The following NRIP3 variants were observed in gnomAD, a reference collection of about 807,000 sequenced individuals.
NRIP3 encodes nuclear receptor interacting protein 3.
In NRIP3, 31 loss-of-function variants were observed where a neutral mutation model predicts 29.0. The observed-to-expected ratio is 1.07, with a 90% CI of 0.80 to 1.44. The LOEUF (loss-of-function observed/expected upper bound fraction) is 1.44, where lower values mean the gene tolerates loss of function less well. NRIP3 is among the 40% of genes most tolerant of loss of function. The pLI is 0.00. For missense variants in NRIP3, 314 were observed against 297.9 expected (o/e 1.05, Z -0.40); for synonymous variants, 131 against 118.3 (o/e 1.11, Z -0.70).
At position 9,003,785 on chromosome 11, in the gene NRIP3, T is replaced by C; in HGVS notation, c.151A>G (p.Lys51Glu). 6.7e-7 allele frequency: 1 copy of C among 1,495,874 alleles called. No homozygotes were observed. Among genetic ancestry groups the C allele is most frequent in the Non-Finnish European group, 8.9e-7 (1 of 1,119,818 alleles). The allele number at this position is 1,495,874 out of a possible 1,614,324, so 92.7% of individuals were successfully genotyped here. ...ADLLPLDGLK[K>E]LGSSKDMQPH... ...ACCATGTCCTTGGACGAGCCCAGCT[T>C]CTTGAGGCCGTCCAGGGGCAGCAGG... Residue 51 changes from lysine to glutamate, a missense_variant, in exon 1 of 7, where the codon AAG (lysine) becomes GAG (glutamate). Lys to Glu is a moderately conservative substitution (Grantham distance 56, BLOSUM62 1). Transcript: ENST00000309166.
At chr11:9,000,027 T>G (rs1854768334) in intron 1 of NRIP3, among the ~76,000 whole-genome samples, 1 of 152,218 alleles carries the variant, frequency 6.6e-6, no homozygotes, top group African/African-American at 2.4e-5. Context: ...GGAACTCAGT[T>G]TTGGTTCACT....
chr11:8,988,431 C>A, intron 1 of NRIP3, 149 bp from the exon 2 acceptor site: 1 of 665,470 alleles, frequency 1.5e-6, no homozygotes, highest in Non-Finnish European at 2.5e-6. Flanking sequence ...GTGAGGACTT[C>A]ACTGGTATTG....
rs1343227322 is a variant in NRIP3, at chr11:8,983,092, CTCTAAT to C, written c.*447_*452del. 1 of 443,774 alleles carries C rather than the reference CTCTAAT, an allele frequency of 2.3e-6. No homozygotes were observed. The highest frequency in any genetic ancestry group is 7.0e-5 in the East Asian group (1 of 14,338). The allele number at this position is 443,774 out of a possible 1,614,324, so 27.5% of individuals were successfully genotyped here. A position where few individuals can be genotyped will look rare whatever the true frequency, so the allele number is the denominator to read the frequency against. ...AAATCAATGAATCAATTTGAAGAAA[CTCTAAT>C]TCTAAGACATAGGTATCCTGGCACC... On this transcript the variant is annotated 3_prime_UTR_variant, in exon 7 of 7. Transcript: ENST00000309166.
chr11:8,994,828 T>C (rs1225450313), intron 1 of NRIP3, among the ~76,000 whole-genome samples: 1 of 152,212 alleles, frequency 6.6e-6, no homozygotes, highest in Non-Finnish European at 1.5e-5. Context: ...CTTTGGTCCT[T>C]TGTCACTCTA....
At chr11:9,003,310 C>A (rs1854841827) in intron 1 of NRIP3, among the ~76,000 whole-genome samples, 1 of 152,166 alleles carries the variant, frequency 6.6e-6, no homozygotes, top group Admixed American at 6.5e-5. Context: ...CAACAGAAGT[C>A]CTCTGGATCT....
Position 8,984,099 on chromosome 11 carries a change from A to G in NRIP3, c.588T>C (p.Leu196=), listed in dbSNP as rs1854468531. ...VVDDNEKNLS[L]GLQTLRSLKC... ...TCAGAGATCGGAGAGTCTGTAGACC[A>G]AGGGACAAGTTTTTCTCATTGTCAT... The change falls in exon 5 of 7, where the codon CTT becomes CTC. Residue 196 remains leucine (L), a synonymous_variant. Transcript: ENST00000309166. 6.2e-7 allele frequency: 1 copy of G among 1,612,940 alleles called. No homozygotes were observed. Among genetic ancestry groups the G allele is most frequent in the Non-Finnish European group, 8.5e-7 (1 of 1,179,068 alleles).
rs1364308684 is a variant in NRIP3 at position 8,988,153 on chromosome 11, ACTT to A, written c.301_303del (p.Lys101del). 9 of 1,614,112 alleles carry A rather than the reference ACTT, an allele frequency of 5.6e-6. No individual in the cohort carries two copies. The highest frequency in any genetic ancestry group is 7.6e-6 in the Non-Finnish European group (9 of 1,180,024). ...ACCAAAATCATGTCATCCTCCTCAGACTTCTTTAGCCCCTCAGACTTAGCCTGA... is the reference window on the plus strand; with the variant it reads ...ACCAAAATCATGTCATCCTCCTCAGACTTTAGCCCCTCAGACTTAGCCTGA... On this transcript the variant is annotated inframe_deletion, in exon 2 of 7. Transcript: ENST00000309166.
chr11:9,003,857 G>A lies in NRIP3; in HGVS notation c.79C>T (p.Arg27Cys). Residue 27 changes from arginine (R) to cysteine (C), a missense_variant, in exon 1 of 7, where the codon CGC (arginine) becomes TGC (cysteine). Transcript: ENST00000309166. ...MREAASLRQQ[R>C]RMKQAVQFIH... The stretch of plus-strand genomic sequence containing the variant: ...AACTGCACCGCCTGCTTCATCCGGC[G>A]CTGCTGTCGCAGTGACGCCGCCTCC... 1 of 1,521,178 alleles carries A rather than the reference G, an allele frequency of 6.6e-7. No homozygotes were observed. The highest frequency in any genetic ancestry group is 8.8e-7 in the Non-Finnish European group (1 of 1,135,804). 94.2% of individuals were successfully genotyped at this position (1,521,178 alleles called of 1,614,324 possible). A position where few individuals can be genotyped will look rare whatever the true frequency, so the allele number is the denominator to read the frequency against.
rs570678937 is a variant in NRIP3 at position 8,987,574 on chromosome 11, G to A, written c.396C>T (p.Ile132=). ...CCAATCTGTCCACACAGGCCAAAGA[G>A]ATGAGATTATATAGGCAGCCTGTGT... The part of the protein sequence containing the change: ...LVDTGCLYNL[I]SLACVDRLGL... The change falls in exon 3 of 7, where the codon ATC becomes ATT. Residue 132 remains isoleucine, a synonymous_variant. Coordinates refer to ENST00000309166, the MANE Select transcript of NRIP3 (RefSeq NM_020645.3). The A allele has an allele frequency of 2.2e-5, 35 of 1,613,892 alleles. No individual in the cohort carries two copies. The highest frequency in any genetic ancestry group is 2.7e-5 in the Non-Finnish European group (32 of 1,179,884).
Position 8,988,157 on chromosome 11 carries a change from C to T in NRIP3, c.300G>A (p.Lys100=). The change falls in exon 2 of 7, where the codon AAG becomes AAA. Residue 100 remains lysine (K), a synonymous_variant. Coordinates refer to ENST00000309166, the MANE Select transcript of NRIP3 (RefSeq NM_020645.3). ...KLNQAKSEGL[K]KSEEDDMILV... Reference sequence around the variant, plus strand: ...AAATCATGTCATCCTCCTCAGACTTCTTTAGCCCCTCAGACTTAGCCTGAT... The same window carrying T: ...AAATCATGTCATCCTCCTCAGACTTTTTTAGCCCCTCAGACTTAGCCTGAT... The T allele has an allele frequency of 6.2e-7, 1 of 1,614,184 alleles. No homozygotes were observed. The highest frequency in any genetic ancestry group is 8.5e-7 in the Non-Finnish European group (1 of 1,180,032).
chr11:8,987,552 A>C lies in NRIP3; in HGVS notation c.418T>G (p.Leu140Val), dbSNP rs756384823. The C allele has an allele frequency of 6.2e-7, 1 of 1,612,698 alleles. No homozygotes were observed. The highest frequency in any genetic ancestry group is 8.5e-7 in the Non-Finnish European group (1 of 1,178,838). Residue 140 changes from leucine (L) to valine (V), a missense_variant, in exon 3 of 7, where the codon TTG (leucine) becomes GTG (valine). Transcript: ENST00000309166. The part of the protein sequence containing the change: ...NLISLACVDR[L>V]GLKEHVKSHK... ...TCAGCACAAGTGCCTACTTACCCCA[A>C]TCTGTCCACACAGGCCAAAGAGATG...
In NRIP3 at chr11:8,983,454, G is replaced by T; in HGVS notation, c.*91C>A. ...GATGGAAGGACTTGGTCCACAGCAA[G>T]TCACTACGGCATTTGGTTCAAACCC... On this transcript the variant is annotated 3_prime_UTR_variant, in exon 7 of 7. Coordinates refer to ENST00000309166, the MANE Select transcript of NRIP3 (RefSeq NM_020645.3). 1 of 1,247,238 alleles carries T rather than the reference G, an allele frequency of 8.0e-7. No homozygotes were observed. The allele number at this position is 1,247,238 out of a possible 1,614,324, so 77.3% of individuals were successfully genotyped here. A position where few individuals can be genotyped will look rare whatever the true frequency, so the allele number is the denominator to read the frequency against.
Position 8,982,829 on chromosome 11 carries a change from C to G in NRIP3, c.*716G>C, listed in dbSNP as rs1282212700. The G allele has an allele frequency of 3.5e-6, 1 of 285,900 alleles. No individual in the cohort carries two copies. Among genetic ancestry groups the G allele is most frequent in the Admixed American group, 4.8e-5 (1 of 20,912 alleles). 17.7% of individuals were successfully genotyped at this position (285,900 alleles called of 1,614,324 possible). ...AGAGAATATTCCTCCCATGCTCTGC[C>G]TTTTTTTTTTTTTTTTTAACACATT... On this transcript the variant is annotated 3_prime_UTR_variant, in exon 7 of 7. Coordinates refer to ENST00000309166, the MANE Select transcript of NRIP3 (RefSeq NM_020645.3).
intron 1 of NRIP3, among the ~76,000 whole-genome samples, chr11:8,989,864 A>G (rs529781636): frequency 3.3e-5 from 5 of 152,336 alleles, no homozygotes; most frequent in African/African-American, 1.2e-4. Flanking sequence ...ACCAGGACCA[A>G]CTCAGATAAA....
chr11:8,983,494 G>A lies in NRIP3; in HGVS notation c.*51C>T. On this transcript the variant is annotated 3_prime_UTR_variant, in exon 7 of 7. Transcript: ENST00000309166. ...GGTTCAAACCCAGTTTTCTCTATCT[G>A]TCAACCCGGTGTGTATGCATGCACA... 6.3e-7 allele frequency: 1 copy of A among 1,593,846 alleles called. No homozygotes were observed. Among genetic ancestry groups the A allele is most frequent in the Non-Finnish European group, 8.6e-7 (1 of 1,166,400 alleles).
chr11:8,985,301 C>T (rs1278306652), intron 4 of NRIP3, among the ~76,000 whole-genome samples: 1 of 151,594 alleles, frequency 6.6e-6, no homozygotes, highest in Non-Finnish European at 1.5e-5. Flanking sequence ...TCCCGAGTAG[C>T]TGGGACTACA....
At chr11:8,994,081 T>C (rs992769362) in intron 1 of NRIP3, among the ~76,000 whole-genome samples, 4 of 152,142 alleles carry the variant, frequency 2.6e-5, no homozygotes, top group African/African-American at 7.2e-5. Flanking sequence ...AGTCTAGACA[T>C]AGAAGCTGCT....
chr11:8,989,713 T>C (rs1854567999), intron 1 of NRIP3, among the ~76,000 whole-genome samples: 1 of 152,214 alleles, frequency 6.6e-6, no homozygotes, highest in Non-Finnish European at 1.5e-5. Context: ...TCTGTCAGAT[T>C]TTGTGATGCA....
At chr11:8,986,087 G>A (rs1048751574) in intron 3 of NRIP3, among the ~76,000 whole-genome samples, 9 of 152,186 alleles carry the variant, frequency 5.9e-5, no homozygotes, top group Non-Finnish European at 1.2e-4. Context: ...TCACTTATGT[G>A]TATTGGTGAA....
Sources: gnomAD v4.1 joint callset for allele counts (sites outside exome capture counted in the v4.1 genomes callset) on GRCh38, gnomAD v4.1.1 for gene constraint, MANE v1.5 for transcripts, NCBI Gene and HGNC (gene_info 2026-07-23, HGNC 2026-07-21) for gene names.